Variants in JADE2 observed in about 807,000 individuals in gnomAD.
The protein encoded by JADE2 is E3 ubiquitin-protein ligase Jade-2.
A neutral mutation model predicts 85.7 loss-of-function variants in JADE2; 13 were observed. The ratio of observed to expected loss-of-function variants is 0.15; its 90% CI spans 0.10 to 0.24. The LOEUF (loss-of-function observed/expected upper bound fraction) is 0.24. Ranked by LOEUF, JADE2 falls within the 10% of genes least tolerant of loss-of-function variation. The pLI is 1.00. For synonymous variants in JADE2, 440 were observed against 456.1 expected (o/e 0.96, Z 0.45); for missense variants, 846 against 1,115.9 (o/e 0.76, Z 3.45).
chr5:134,578,962 C>T lies in JADE2; in HGVS notation c.2150C>T (p.Pro717Leu). 6.2e-7 allele frequency: 1 copy of T among 1,613,252 alleles called. No homozygotes were observed. The highest frequency in any genetic ancestry group is 8.5e-7 in the Non-Finnish European group (1 of 1,179,874). The change falls in exon 12 of 12, where the codon CCC becomes CTC. Residue 717 changes from proline (P) to leucine (L), a missense_variant. By Grantham distance (98) the Pro-to-Leu change is moderately conservative. Transcript: ENST00000681547. The surrounding 1 kb of genome is among the most constrained non-coding windows in gnomAD (Gnocchi z 4.4). ...DCPILATPESPPPLAPETPDE... is the reference protein window; with the variant it reads ...DCPILATPESLPPLAPETPDE... ...CCCATCCTAGCCACCCCTGAAAGCCCCCCGCCACTGGCCCCTGAGACCCCG... is the reference window on the plus strand; with the variant it reads ...CCCATCCTAGCCACCCCTGAAAGCCTCCCGCCACTGGCCCCTGAGACCCCG...
At chr5:134,574,627 C>G (rs1173455758) in intron 10 of JADE2, 1 of 152,426 alleles carries the variant, frequency 6.6e-6, no homozygotes, top group Non-Finnish European at 1.5e-5. Flanking sequence ...GCTGAGCTGA[C>G]CTGATTGTGC....
In JADE2 at chr5:134,580,706, A is replaced by G. The variant is rs1039101352; in HGVS notation, c.*1389A>G. 7.9e-5 allele frequency: 12 copies of G among 152,590 alleles called. No individual in the cohort carries two copies. Among genetic ancestry groups the G allele is most frequent in the Non-Finnish European group, 1.6e-4 (11 of 68,030 alleles). 9.5% of individuals were successfully genotyped at this position (152,590 alleles called of 1,614,324 possible). On this transcript the variant is annotated 3_prime_UTR_variant, in exon 12 of 12. Transcript: ENST00000681547. Reference sequence around the variant, plus strand: ...GTGGATGCCAAAGAATATTTTGACCATAATACAGCACAGCCTGGACCTGAC... The same window carrying G: ...GTGGATGCCAAAGAATATTTTGACCGTAATACAGCACAGCCTGGACCTGAC...
intron 1 of JADE2, among the ~76,000 whole-genome samples, chr5:134,527,604 C>G (rs1199540733): frequency 1.3e-5 from 2 of 151,986 alleles, no homozygotes; most frequent in African/African-American, 4.8e-5. Flanking sequence ...GCCTCTTGCC[C>G]TTCCTTCGCC....
At chr5:134,527,602 C>T (rs934109694) in intron 1 of JADE2, among the ~76,000 whole-genome samples, 1 of 151,864 alleles carries the variant, frequency 6.6e-6, no homozygotes, top group Admixed American at 6.5e-5. Flanking sequence ...CAGCCTCTTG[C>T]CCTTCCTTCG....
chr5:134,576,961 G>A, intron 11 of JADE2, 65 bp downstream of exon 11: 1 of 1,479,734 alleles, frequency 6.8e-7, no homozygotes, highest in Non-Finnish European at 9.0e-7. Flanking sequence ...TTGCAGCTCT[G>A]TCTGCCCTGC....
chr5:134,557,530 C>CCCCCCCA (rs1763060231), intron 4 of JADE2, among the ~76,000 whole-genome samples: 1 of 110,884 alleles, frequency 9.0e-6, no homozygotes, highest in Non-Finnish European at 1.8e-5. Flanking sequence ...TCCCTCCCCC[C>CCCCCCCA]TCCCCCGAAC....
At chr5:134,530,931 A>C (rs1223129273) in intron 1 of JADE2, among the ~76,000 whole-genome samples, 1 of 152,198 alleles carries the variant, frequency 6.6e-6, no homozygotes, top group African/African-American at 2.4e-5. Context: ...AGCACTCCCT[A>C]GTATGTCACT....
In JADE2 at chr5:134,578,377, G is replaced by A. The variant is rs1764513155; in HGVS notation, c.1682-117G>A. 2 of 779,902 alleles carry A rather than the reference G, an allele frequency of 2.6e-6. No homozygotes were observed. Among genetic ancestry groups the A allele is most frequent in the South Asian group, 3.4e-5 (2 of 58,526 alleles). The allele number at this position is 779,902 out of a possible 1,614,324, so 48.3% of individuals were successfully genotyped here. ...AAACAAGATAGCTCACCTGGGTCTG[G>A]CACAGGGGGACAGAGAGAAGACGAT... On this transcript the variant is annotated intron_variant, in intron 11 of 11. Coordinates refer to ENST00000681547, the MANE Select transcript of JADE2 (RefSeq NM_001388185.1). This position sits in a 1 kb window ranked among gnomAD's most constrained non-coding sequence, Gnocchi z 4.4.
At chr5:134,526,359 CG>C in intron 1 of JADE2, 1 of 984,988 alleles carries the variant, frequency 1.0e-6, no homozygotes, top group Non-Finnish European at 1.2e-6. Flanking sequence ...CGCGGGCGGG[CG>C]GGGGCGCGCC....
chr5:134,550,158 C>G (rs973499473), intron 3 of JADE2, among the ~76,000 whole-genome samples: 2 of 152,236 alleles, frequency 1.3e-5, no homozygotes, highest in African/African-American at 4.8e-5. Flanking sequence ...TAATTGTAAT[C>G]TGGTTTTAAT....
chr5:134,546,632 G>T (rs1340476700), intron 3 of JADE2, among the ~76,000 whole-genome samples: 1 of 152,008 alleles, frequency 6.6e-6, no homozygotes, highest in Non-Finnish European at 1.5e-5. Context: ...GCTGGGCGCG[G>T]TGGCCGGTGC....
At chr5:134,527,428 G>A (rs1760922735) in intron 1 of JADE2, among the ~76,000 whole-genome samples, 1 of 152,042 alleles carries the variant, frequency 6.6e-6, no homozygotes, top group South Asian at 2.1e-4. Flanking sequence ...AGACAGCCAG[G>A]AAGGCTTCAC....
In JADE2 at chr5:134,578,995, C is replaced by G. The variant is rs550257320; in HGVS notation, c.2183C>G (p.Ala728Gly). The G allele has an allele frequency of 4.3e-6, 7 of 1,613,794 alleles. No homozygotes were observed. The South Asian group carries it at 6.6e-5, about 15-fold the overall frequency. Residue 728 changes from alanine to glycine, a missense_variant, in exon 12 of 12, where the codon GCA becomes GGA. Ala to Gly is a moderately conservative substitution (Grantham distance 60). Coordinates refer to ENST00000681547, the MANE Select transcript of JADE2 (RefSeq NM_001388185.1). This position sits in a 1 kb window ranked among gnomAD's most constrained non-coding sequence, Gnocchi z 4.4. ...PPLAPETPDE[A>G]ASVAADSDVQ... The stretch of plus-strand genomic sequence containing the variant: ...CTGGCCCCTGAGACCCCGGACGAGG[C>G]AGCCTCAGTAGCTGCTGACTCAGAT...
chr5:134,531,589 C>CTT (rs112525085), intron 1 of JADE2, among the ~76,000 whole-genome samples: 18 of 147,072 alleles, frequency 1.2e-4, no homozygotes, highest in East Asian at 5.9e-4. Flanking sequence ...TGATTTATAC[C>CTT]TTTTTTTTTT....
At chr5:134,565,062 G>A (rs1763555786) in intron 8 of JADE2, among the ~76,000 whole-genome samples, 1 of 152,184 alleles carries the variant, frequency 6.6e-6, no homozygotes, top group African/African-American at 2.4e-5. Context: ...AGAATTACCT[G>A]GAGGGCTTGG....
At chr5:134,571,063 C>T (rs1342168766) in intron 9 of JADE2, among the ~76,000 whole-genome samples, 1 of 152,198 alleles carries the variant, frequency 6.6e-6, no homozygotes, top group Non-Finnish European at 1.5e-5. Context: ...GCCGGAGGCT[C>T]TGCGGGGGAG....
chr5:134,573,926 C>A, intron 10 of JADE2, 164 bp downstream of exon 10: 1 of 705,496 alleles, frequency 1.4e-6, no homozygotes, highest in Non-Finnish European at 2.6e-6. Context: ...TAGGCCCAGA[C>A]GGGGGCCTGC....
At chr5:134,564,425 C>T in intron 7 of JADE2, 69 bp from the exon 8 acceptor site, 1 of 1,060,554 alleles carries the variant, frequency 9.4e-7, no homozygotes, top group Non-Finnish European at 1.3e-6. Flanking sequence ...AGACAAACCC[C>T]CATTTTGGAG....
chr5:134,579,058 T>C lies in JADE2; in HGVS notation c.2246T>C (p.Leu749Ser). Reference sequence around the variant, plus strand: ...GGCCCTGCAGCAAGCCCTAAGCCTTTGGGCCGGCTCCGGCCACCCCGCGAG... The same window carrying C: ...GGCCCTGCAGCAAGCCCTAAGCCTTCGGGCCGGCTCCGGCCACCCCGCGAG... ...VPGPAASPKP[L>S]GRLRPPRESK... Residue 749 changes from leucine to serine, a missense_variant, in exon 12 of 12, where the codon TTG becomes TCG. By Grantham distance (145) the Leu-to-Ser change is moderately radical (BLOSUM62 -2). Transcript: ENST00000681547. This position sits in a 1 kb window ranked among gnomAD's most constrained non-coding sequence, Gnocchi z 4.6. The C allele has an allele frequency of 6.2e-7, 1 of 1,613,984 alleles. No individual in the cohort carries two copies. Among genetic ancestry groups the C allele is most frequent in the Non-Finnish European group, 8.5e-7 (1 of 1,179,994 alleles).
Sources: allele counts gnomAD v4.1 joint callset (sites outside exome capture counted in the v4.1 genomes callset), GRCh38; gene constraint gnomAD v4.1.1; non-coding constraint Gnocchi (gnomAD v3.1); transcripts MANE v1.5; gene names NCBI Gene and HGNC (gene_info 2026-07-23, HGNC 2026-07-21).